Variants in NELL2 observed in about 807,000 individuals in gnomAD.
The protein encoded by NELL2 is protein kinase C-binding protein NELL2.
In NELL2, 41 loss-of-function variants were observed where a neutral mutation model predicts 109.6. That is an observed-to-expected ratio of 0.37 (90% CI 0.29 to 0.49). The LOEUF is 0.49. Ranked by LOEUF, NELL2 falls within the 20% of genes least tolerant of loss-of-function variation. The probability of loss-of-function intolerance (pLI) is 0.98; values close to 1 mark genes in which losing one functional copy is unlikely to be tolerated. For synonymous variants in NELL2, 355 were observed against 344.7 expected, an observed-to-expected ratio of 1.03 and a Z score of -0.33; for missense variants, 900 against 1,008.3, an observed-to-expected ratio of 0.89 and a Z score of 1.45.
chr12:44,538,390 T>A (rs1386524730), intron 15 of NELL2, among the ~76,000 whole-genome samples: 2 of 152,246 alleles, frequency 1.3e-5, no homozygotes, highest in African/African-American at 4.8e-5. Flanking sequence ...GTATCTAATA[T>A]GTGCACATTC....
At chr12:44,791,065 G>GTGTATATA (rs1942365835) in intron 3 of NELL2, among the ~76,000 whole-genome samples, 1 of 43,230 alleles carries the variant, frequency 2.3e-5, no homozygotes, top group South Asian at 9.8e-4. Flanking sequence ...GAAAGTTCAA[G>GTGTATATA]TATATATATA....
intron 13 of NELL2, among the ~76,000 whole-genome samples, chr12:44,613,174 TC>T (rs1945689812): frequency 6.6e-6 from 1 of 152,044 alleles, no homozygotes; most frequent in South Asian, 2.1e-4. Flanking sequence ...AGTCTCCCCC[TC>T]CTACAGAGTT....
chr12:44,610,824 G>A, intron 14 of NELL2, 24 bp downstream of exon 14: 1 of 1,612,510 alleles, frequency 6.2e-7, no homozygotes, highest in Non-Finnish European at 8.5e-7. Context: ...TAATGGAAGA[G>A]GCACTGGCAT....
chr12:44,546,525 A>C (rs1426572533), intron 15 of NELL2, among the ~76,000 whole-genome samples: 1 of 152,200 alleles, frequency 6.6e-6, no homozygotes, highest in Non-Finnish European at 1.5e-5. Flanking sequence ...AACTCCTTCC[A>C]ATTAAAATTA....
At chr12:44,676,945 C>T (rs1328139202) in intron 12 of NELL2, among the ~76,000 whole-genome samples, 3 of 152,032 alleles carry the variant, frequency 2.0e-5, no homozygotes, top group African/African-American at 7.2e-5. Context: ...TCTGTCTTTG[C>T]AGAGCTTAGG....
chr12:44,622,091 C>T (rs1206573944), intron 13 of NELL2, among the ~76,000 whole-genome samples: 1 of 152,116 alleles, frequency 6.6e-6, no homozygotes, highest in Non-Finnish European at 1.5e-5. Flanking sequence ...GCACTTGATA[C>T]ATATGGATGA....
At chr12:44,872,168 T>C (rs1945182572) in intron 2 of NELL2, among the ~76,000 whole-genome samples, 1 of 152,144 alleles carries the variant, frequency 6.6e-6, no homozygotes, top group Non-Finnish European at 1.5e-5. Context: ...TCATAGGTCT[T>C]TTTATTGTCT....
At chr12:44,745,723 G>C (rs532880503) in intron 9 of NELL2, among the ~76,000 whole-genome samples, 1 of 152,086 alleles carries the variant, frequency 6.6e-6, no homozygotes, top group African/African-American at 2.4e-5. Context: ...TAAAATACCT[G>C]GGAATCCAAC....
intron 9 of NELL2, among the ~76,000 whole-genome samples, chr12:44,724,231 G>A (rs1863459798): frequency 6.7e-6 from 1 of 150,138 alleles, no homozygotes. Flanking sequence ...ATAGTCACTG[G>A]GCATCACTAG....
intron 3 of NELL2, among the ~76,000 whole-genome samples, chr12:44,786,877 G>T (rs1029100641): frequency 1.3e-5 from 2 of 152,024 alleles, no homozygotes; most frequent in Non-Finnish European, 1.5e-5. Flanking sequence ...GGCCTGTCAT[G>T]GGGTGGGGGC....
At chr12:44,791,084 T>C (rs868442251) in intron 3 of NELL2, among the ~76,000 whole-genome samples, 441 of 12,470 alleles carry the variant, frequency 0.035, 33 homozygotes, top group South Asian at 0.11. Context: ...TATATATACA[T>C]ATATATATAT....
intron 2 of NELL2, among the ~76,000 whole-genome samples, chr12:44,853,594 G>A (rs1008456862): frequency 6.6e-6 from 1 of 152,060 alleles, no homozygotes; most frequent in Admixed American, 6.6e-5. Context: ...TGAATTAAAC[G>A]ATCTATTAGG....
At chr12:44,524,922 A>T (rs1276538197) in intron 16 of NELL2, among the ~76,000 whole-genome samples, 2 of 152,198 alleles carry the variant, frequency 1.3e-5, no homozygotes, top group Non-Finnish European at 2.9e-5. Context: ...TTTGTAATAA[A>T]AATTAAATTT....
At chr12:44,543,393 T>A (rs1052305917) in intron 15 of NELL2, among the ~76,000 whole-genome samples, 6 of 152,130 alleles carry the variant, frequency 3.9e-5, no homozygotes, top group South Asian at 4.1e-4. Flanking sequence ...ACTATCACTA[T>A]CTCCCTGATT....
Position 44,532,570 on chromosome 12 carries a change from C to G in NELL2, c.1804+11G>C. 6.2e-7 allele frequency: 1 copy of G among 1,611,540 alleles called. No individual in the cohort carries two copies. Among genetic ancestry groups the G allele is most frequent in the South Asian group, 1.1e-5 (1 of 90,562 alleles). On this transcript the variant is annotated intron_variant, in intron 16 of 19. Coordinates refer to ENST00000429094, the MANE Select transcript of NELL2 (RefSeq NM_001145108.2). ...AAGTTCTTAAATTCTAGGTCTTCTC[C>G]TTGTACTGACCTTCACACGATTCTC...
chr12:44,669,151 A>G (rs939089685), intron 12 of NELL2, among the ~76,000 whole-genome samples: 2 of 152,236 alleles, frequency 1.3e-5, no homozygotes, highest in Admixed American at 6.5e-5. Flanking sequence ...TTATAGCCCG[A>G]TAAATCATAC....
intron 15 of NELL2, among the ~76,000 whole-genome samples, chr12:44,583,955 T>A (rs139188774): frequency 1.0e-3 from 155 of 152,282 alleles, no homozygotes; most frequent in African/African-American, 3.4e-3. Context: ...GTATTTTTCA[T>A]AGAGGTGGGT....
intron 1 of NELL2, among the ~76,000 whole-genome samples, chr12:44,887,753 T>C (rs1181053704): frequency 1.3e-5 from 2 of 152,064 alleles, no homozygotes; most frequent in Admixed American, 6.6e-5. Flanking sequence ...GGTGGGTACT[T>C]TGCAAATATT....
chr12:44,650,868 A>G (rs1294971129), intron 13 of NELL2, among the ~76,000 whole-genome samples: 3 of 152,180 alleles, frequency 2.0e-5, no homozygotes, highest in African/African-American at 7.2e-5. Flanking sequence ...CGAGAAATTA[A>G]ATTGCCCTGA....
Sources: gnomAD v4.1 joint callset for allele counts (sites outside exome capture counted in the v4.1 genomes callset) on GRCh38, gnomAD v4.1.1 for gene constraint, MANE v1.5 for transcripts, NCBI Gene and HGNC (gene_info 2026-07-23, HGNC 2026-07-21) for gene names.